The following FGFR1 variants were observed in gnomAD, a reference collection of about 807,000 sequenced individuals.
FGFR1 encodes fibroblast growth factor receptor 1, also known as FGFR1/PLAG1 fusion.
Under a neutral mutation model 93.7 loss-of-function variants are expected in FGFR1, and 18 were observed. The observed-to-expected ratio is 0.19, with a 90% CI of 0.13 to 0.28. The LOEUF (loss-of-function observed/expected upper bound fraction) is 0.28, where lower values mean the gene tolerates loss of function less well. Among genes scored for constraint, FGFR1 ranks in the 10% least tolerant of loss-of-function variants. FGFR1 has a pLI of 1.00. For missense variants in FGFR1, 731 were observed against 1,080.4 expected (o/e 0.68, Z 4.53); for synonymous variants, 448 against 429.3 (o/e 1.04, Z -0.54).
chr8:38,419,757 G>A (rs762395000), intron 8 of FGFR1, 22 bp from the exon 9 acceptor site: 1 of 1,611,168 alleles, frequency 6.2e-7, no homozygotes, highest in South Asian at 1.1e-5. Context: ...CGAACAGGGT[G>A]TTAGCAGGCT....
chr8:38,432,094 G>A (rs533293763), intron 2 of FGFR1, among the ~76,000 whole-genome samples: 3 of 152,206 alleles, frequency 2.0e-5, no homozygotes, highest in Middle Eastern at 6.8e-3. Flanking sequence ...TATTGCAGCC[G>A]ATCCCAGAGA....
chr8:38,433,465 A>G (rs1029143478), intron 2 of FGFR1, among the ~76,000 whole-genome samples: 4 of 152,158 alleles, frequency 2.6e-5, no homozygotes, highest in African/African-American at 9.7e-5. Flanking sequence ...CATATGCCAC[A>G]ATGGCTGGCT....
intron 1 of FGFR1, among the ~76,000 whole-genome samples, chr8:38,467,140 C>A (rs1835741916): frequency 6.6e-6 from 1 of 152,124 alleles, no homozygotes; most frequent in African/African-American, 2.4e-5. Flanking sequence ...TCCCCCACCT[C>A]TAGGAACCAG....
At position 38,466,758 on chromosome 8, in the gene FGFR1, T is replaced by A. The variant is rs17175715; in HGVS notation, c.-89+1223A>T. ...GCGGCTGCGGTGTACCCGTGTGGGG[T>A]GAAACGGAACCAGATGCGGCTGCTA... On this transcript the variant is annotated intron_variant, in intron 1 of 17. Coordinates refer to ENST00000447712, the MANE Select transcript of FGFR1 (RefSeq NM_023110.3). 419 of 185,894 alleles carry A rather than the reference T, an allele frequency of 2.3e-3. 10 individuals carry two copies. The East Asian group carries it at 0.026, about 12-fold the overall frequency. 11.5% of individuals were successfully genotyped at this position (185,894 alleles called of 1,614,324 possible). A position where few individuals can be genotyped will look rare whatever the true frequency, so the allele number is the denominator to read the frequency against.
chr8:38,441,013 G>A (rs919853444), intron 2 of FGFR1, among the ~76,000 whole-genome samples: 2 of 151,932 alleles, frequency 1.3e-5, no homozygotes, highest in Non-Finnish European at 2.9e-5. Context: ...ATTTAGTGCC[G>A]AGCCGCCTGC....
chr8:38,416,933 T>C (rs984212164), intron 12 of FGFR1, among the ~76,000 whole-genome samples: 1 of 152,122 alleles, frequency 6.6e-6, no homozygotes, highest in Non-Finnish European at 1.5e-5. Context: ...TTGTATTTTT[T>C]AGTAGAGATG....
rs57917657 is a variant in FGFR1, at chr8:38,447,098, AACACACACACACACACACACACACACAC to A, written c.91+10230_91+10257del. On this transcript the variant is annotated intron_variant, in intron 2 of 17. Transcript: ENST00000447712. ...GCCACAGGAGATATTACTGCAAGCA[AACACACACACACACACACACACACACAC>A]ACACACACACACACACACACACACA... 9.4e-4 allele frequency among the ~76,000 whole-genome samples: 125 copies of A among 133,362 alleles called. 1 individual carries two copies. In the Middle Eastern group the frequency reaches 0.021, roughly 23 times the overall value. The allele number at this position is 133,362 out of a possible 152,430, so 87.5% of individuals were successfully genotyped here.
Position 38,440,423 on chromosome 8 carries a change from C to T in FGFR1, c.92-10475G>A, listed in dbSNP as rs1827003379. 7 of 1,462,840 alleles carry T rather than the reference C, an allele frequency of 4.8e-6. No individual in the cohort carries two copies. The South Asian group carries it at 9.1e-5, about 19-fold the overall frequency. The allele number at this position is 1,462,840 out of a possible 1,614,324, so 90.6% of individuals were successfully genotyped here. On this transcript the variant is annotated intron_variant, in intron 2 of 17. Transcript: ENST00000447712. ...CCCCAAAAATGTGTTTCTCTCAACT[C>T]TCGGAGTCCCCAAATAGAAGGAGAG...
At chr8:38,448,812 GGGCATGGT>G (rs1452400022) in intron 2 of FGFR1, among the ~76,000 whole-genome samples, 1 of 152,070 alleles carries the variant, frequency 6.6e-6, no homozygotes, top group Admixed American at 6.5e-5. Flanking sequence ...AAAATTAGCT[GGGCATGGT>G]GGTGGGTGCC....
chr8:38,424,290 C>G lies in FGFR1; in HGVS notation c.936+219G>C, dbSNP rs764737745. On this transcript the variant is annotated intron_variant, in intron 7 of 17. Coordinates refer to ENST00000447712, the MANE Select transcript of FGFR1 (RefSeq NM_023110.3). This position sits in a 1 kb window ranked among gnomAD's most constrained non-coding sequence, Gnocchi z 4.3. The stretch of plus-strand genomic sequence containing the variant: ...CTTATTACAGACCAGCACCACCCAT[C>G]CCTGCAGCCCTCTGTTCCCAGCTCA... 3 of 706,630 alleles carry G rather than the reference C, an allele frequency of 4.2e-6. No homozygotes were observed. Among genetic ancestry groups the G allele is most frequent in the Non-Finnish European group, 7.9e-6 (3 of 379,688 alleles). The allele number at this position is 706,630 out of a possible 1,614,324, so 43.8% of individuals were successfully genotyped here.
chr8:38,417,833 A>G (rs2150645549), intron 11 of FGFR1, 37 bp downstream of exon 11: 1 of 1,614,134 alleles, frequency 6.2e-7, no homozygotes, highest in Non-Finnish European at 8.5e-7. Flanking sequence ...TTGGAATGGG[A>G]CAAGATTTTC....
At chr8:38,423,197 C>A (rs759398418) in intron 7 of FGFR1, 6 of 777,712 alleles carry the variant, frequency 7.7e-6, no homozygotes, top group Non-Finnish European at 1.4e-5. Context: ...CAACGACACA[C>A]CAGTCAGTTG....
At chr8:38,420,561 T>C (rs923357596) in intron 8 of FGFR1, among the ~76,000 whole-genome samples, 5 of 152,136 alleles carry the variant, frequency 3.3e-5, no homozygotes, top group Admixed American at 6.5e-5. Context: ...CCCCACCCCA[T>C]TGCCACAGCA....
At chr8:38,425,494 G>A (rs1820421398) in intron 6 of FGFR1, among the ~76,000 whole-genome samples, 1 of 152,040 alleles carries the variant, frequency 6.6e-6, no homozygotes, top group Admixed American at 6.5e-5. Context: ...CTCCTTCTTA[G>A]ACCATATCAT....
rs1158161662 is a variant in FGFR1, at chr8:38,428,338, T to C, written c.448+8A>G. ...CAAAGGGCAGTAAGATAGGAAACAG[T>C]GTCTCACGCATACGGTTTGGTTTGG... is the stretch of plus-strand genomic sequence containing the variant. On this transcript the variant is annotated splice_region_variant and intron_variant, in intron 4 of 17. Transcript: ENST00000447712. 1.2e-6 allele frequency: 2 copies of C among 1,613,226 alleles called. No individual in the cohort carries two copies. The highest frequency in any genetic ancestry group is 2.2e-5 in the East Asian group (1 of 44,878).
chr8:38,428,125 G>A (rs746086125), intron 4 of FGFR1, 32 bp from the exon 5 acceptor site: 1 of 1,613,302 alleles, frequency 6.2e-7, no homozygotes, highest in Non-Finnish European at 8.5e-7. Flanking sequence ...AGACAGGCAG[G>A]GTGGAGAGGA....
At chr8:38,442,235 G>A (rs1209428751) in intron 2 of FGFR1, among the ~76,000 whole-genome samples, 1 of 152,132 alleles carries the variant, frequency 6.6e-6, no homozygotes, top group Non-Finnish European at 1.5e-5. Flanking sequence ...TTGGACCGGG[G>A]CAGGGGGAGT....
intron 2 of FGFR1, among the ~76,000 whole-genome samples, chr8:38,437,942 A>T (rs183730530): frequency 9.3e-4 from 141 of 152,362 alleles, no homozygotes; most frequent in African/African-American, 3.3e-3. Context: ...AACCCAGTGA[A>T]GAATAACAAC....
At chr8:38,420,838 G>C (rs1818480871) in intron 8 of FGFR1, among the ~76,000 whole-genome samples, 1 of 152,206 alleles carries the variant, frequency 6.6e-6, no homozygotes, top group Admixed American at 6.5e-5. Context: ...GCCTGACAAG[G>C]AGACAGCAGA....
Sources: gnomAD v4.1 joint callset for allele counts (sites outside exome capture counted in the v4.1 genomes callset) on GRCh38, gnomAD v4.1.1 for gene constraint, Gnocchi (gnomAD v3.1) non-coding constraint, MANE v1.5 for transcripts, NCBI Gene and HGNC (gene_info 2026-07-23, HGNC 2026-07-21) for gene names.